The following MAMDC2 variants were observed in gnomAD, a reference collection of about 807,000 sequenced individuals.
The protein encoded by MAMDC2 is MAM domain-containing protein 2.
Under a neutral mutation model 89.8 loss-of-function variants are expected in MAMDC2, and 57 were observed. The ratio of observed to expected loss-of-function variants is 0.63; its 90% CI spans 0.51 to 0.79. MAMDC2 has a LOEUF of 0.79. MAMDC2 is among the 30% of genes least tolerant of loss of function. MAMDC2 has a pLI of 0.00. For synonymous variants in MAMDC2, 313 were observed against 293.4 expected (o/e 1.07, Z -0.68); for missense variants, 800 against 820.6 (o/e 0.97, Z 0.31).
Position 70,113,532 on chromosome 9 carries a change from C to T in MAMDC2, c.643+400C>T, listed in dbSNP as rs144539505. ...GATAGATCAAAGGATGGGAATGGGT[C>T]CTAAGAACTTCCCAAGTGACAGTGA... On this transcript the variant is annotated intron_variant, in intron 5 of 13. Transcript: ENST00000377182. Among the ~76,000 whole-genome samples the T allele has an allele frequency of 5.3e-3, 805 of 152,248 alleles. 7 individuals are homozygous for T. The highest frequency in any genetic ancestry group is 0.018 in the African/African-American group (753 of 41,538).
At position 70,113,108 on chromosome 9, in the gene MAMDC2, G is replaced by A; in HGVS notation, c.619G>A (p.Asp207Asn). 6.2e-7 allele frequency: 1 copy of A among 1,614,070 alleles called. No homozygotes were observed. The part of the protein sequence containing the change: ...IRNVHSILPQ[D>N]HTFKSELGHY... ...GAATGTCCACTCCATTCTCCCACAG[G>A]ATCACACCTTCAAGAGTGAACTGGG... The change falls in exon 5 of 14, where the codon GAT (aspartate) becomes AAT (asparagine). Residue 207 changes from aspartate (D) to asparagine (N), a missense_variant. Coordinates refer to ENST00000377182, the MANE Select transcript of MAMDC2 (RefSeq NM_153267.5).
rs763792635 is a variant in MAMDC2, at chr9:70,044,645, T to A, written c.96T>A (p.Thr32=). ...PAGSCAFEES[T]CGFDSVLASL... ...GGTCCTGTGCCTTTGAAGAGAGCACTTGCGGCTTTGACTCCGTGTTGGCCT... is the reference window on the plus strand; with the variant it reads ...GGTCCTGTGCCTTTGAAGAGAGCACATGCGGCTTTGACTCCGTGTTGGCCT... The change falls in exon 2 of 14, where the codon ACT becomes ACA. Residue 32 remains threonine (T), a synonymous_variant. Coordinates refer to ENST00000377182, the MANE Select transcript of MAMDC2 (RefSeq NM_153267.5). 1.7e-5 allele frequency: 27 copies of A among 1,551,620 alleles called. No homozygotes were observed. The East Asian group carries it at 6.4e-4, about 37-fold the overall frequency.
chr9:70,138,819 C>T (rs1237762286), intron 7 of MAMDC2, among the ~76,000 whole-genome samples: 1 of 152,108 alleles, frequency 6.6e-6, no homozygotes, highest in Non-Finnish European at 1.5e-5. Flanking sequence ...CATGACAGAA[C>T]TGTGACTCTT....
intron 11 of MAMDC2, among the ~76,000 whole-genome samples, chr9:70,214,894 G>GT (rs1458136123): frequency 6.6e-6 from 1 of 152,220 alleles, no homozygotes; most frequent in Admixed American, 6.5e-5. Context: ...CTGTCAGGAA[G>GT]TTGAGTTTTG....
At chr9:70,208,988 A>G (rs1409410303) in intron 11 of MAMDC2, among the ~76,000 whole-genome samples, 1 of 152,144 alleles carries the variant, frequency 6.6e-6, no homozygotes, top group Non-Finnish European at 1.5e-5. Flanking sequence ...AGCCAACTTG[A>G]TCATGGTGGA....
intron 7 of MAMDC2, among the ~76,000 whole-genome samples, chr9:70,137,384 A>G (rs1430757749): frequency 6.6e-6 from 1 of 152,196 alleles, no homozygotes; most frequent in Non-Finnish European, 1.5e-5. Context: ...CAGCATAACT[A>G]TAGGATAATT....
At chr9:70,063,931 C>A (rs1280341379) in intron 2 of MAMDC2, among the ~76,000 whole-genome samples, 1 of 151,956 alleles carries the variant, frequency 6.6e-6, no homozygotes, top group Non-Finnish European at 1.5e-5. Context: ...ATGTGCCACA[C>A]CACTGATTAA....
At chr9:70,096,986 C>T (rs1358326561) in intron 2 of MAMDC2, among the ~76,000 whole-genome samples, 2 of 152,156 alleles carry the variant, frequency 1.3e-5, no homozygotes, top group African/African-American at 4.8e-5. Context: ...GCCAAACACC[C>T]CAGATGTGGG....
At chr9:70,168,878 T>C in intron 10 of MAMDC2, 83 bp downstream of exon 10, 1 of 1,140,072 alleles carries the variant, frequency 8.8e-7, no homozygotes, top group Non-Finnish European at 1.3e-6. Context: ...ATACATTTCA[T>C]CTGTGCTAGT....
intron 11 of MAMDC2, among the ~76,000 whole-genome samples, chr9:70,184,624 T>TA (rs2032711667): frequency 2.0e-5 from 3 of 152,050 alleles, no homozygotes; most frequent in African/African-American, 7.2e-5. Flanking sequence ...CTTATTTCAG[T>TA]AAGTTGATCC....
intron 11 of MAMDC2, among the ~76,000 whole-genome samples, chr9:70,199,792 T>C (rs994725633): frequency 8.2e-5 from 12 of 147,220 alleles, no homozygotes; most frequent in African/African-American, 2.8e-4. Context: ...TGCATTTCTC[T>C]GAGGGCCAGT....
intron 11 of MAMDC2, among the ~76,000 whole-genome samples, chr9:70,198,181 T>TAC (rs3071637): frequency 5.5e-5 from 8 of 145,054 alleles, no homozygotes; most frequent in African/African-American, 1.8e-4. Context: ...TATATATATA[T>TAC]ACACACACAC....
intron 2 of MAMDC2, among the ~76,000 whole-genome samples, chr9:70,078,812 A>C (rs959690971): frequency 8.5e-5 from 13 of 152,162 alleles, no homozygotes; most frequent in African/African-American, 3.1e-4. Context: ...GTTAATTAAG[A>C]AACAATGGGT....
rs138918715 is a variant in MAMDC2, at chr9:70,099,188, G to C, written c.149-9023G>C. 3.6e-3 allele frequency among the ~76,000 whole-genome samples: 545 copies of C among 152,058 alleles called. 1 individual carries two copies. The highest frequency in any genetic ancestry group is 0.013 in the African/African-American group (520 of 41,480). The stretch of plus-strand genomic sequence containing the variant: ...AATCAGTAGATTTATAAATCATTGT[G>C]AATCTGATTAATTGAGAAAAAAACT... On this transcript the variant is annotated intron_variant, in intron 2 of 13. Coordinates refer to ENST00000377182, the MANE Select transcript of MAMDC2 (RefSeq NM_153267.5).
rs1299443698 is a variant in MAMDC2, at chr9:70,145,171, G to A, written c.1404+1352G>A. 2.6e-5 allele frequency among the ~76,000 whole-genome samples: 4 copies of A among 152,114 alleles called. No individual in the cohort carries two copies. In the South Asian group the frequency reaches 6.2e-4, roughly 24 times the overall value. On this transcript the variant is annotated intron_variant, in intron 9 of 13. Transcript: ENST00000377182. ...AAACGGCTTCTTATTATTTGTATGC[G>A]AATTAAGTAGATAGTGTTGTAAGTA... is the stretch of plus-strand genomic sequence containing the variant.
rs2033647378 is a variant in MAMDC2 at position 70,226,900 on chromosome 9, T to C, written c.*868T>C. ...TTATTTACTTGTTTAGAAAATTGTA[T>C]ATATATGTTTGTGTATCCTAACAGC... On this transcript the variant is annotated 3_prime_UTR_variant, in exon 14 of 14. Transcript: ENST00000377182. 1 of 152,116 alleles carries C rather than the reference T, an allele frequency of 6.6e-6. No individual in the cohort carries two copies. The highest frequency in any genetic ancestry group is 1.5e-5 in the Non-Finnish European group (1 of 67,952). 9.4% of individuals were successfully genotyped at this position (152,116 alleles called of 1,614,324 possible).
intron 2 of MAMDC2, among the ~76,000 whole-genome samples, chr9:70,053,945 A>G (rs1297833998): frequency 6.6e-6 from 1 of 152,152 alleles, no homozygotes; most frequent in Non-Finnish European, 1.5e-5. Flanking sequence ...AAAGGGGATT[A>G]AGTTGGTAGG....
intron 11 of MAMDC2, among the ~76,000 whole-genome samples, chr9:70,187,718 A>T (rs1444815403): frequency 6.6e-6 from 1 of 152,182 alleles, no homozygotes; most frequent in Non-Finnish European, 1.5e-5. Context: ...ATCAGATCAT[A>T]CAATATGTGG....
chr9:70,217,359 C>A, intron 11 of MAMDC2: 3 of 1,352,634 alleles, frequency 2.2e-6, no homozygotes, highest in Non-Finnish European at 3.2e-6. Context: ...CTGTCCTCCA[C>A]AGAAGGAAGC....
Sources: allele counts gnomAD v4.1 joint callset (sites outside exome capture counted in the v4.1 genomes callset), GRCh38; gene constraint gnomAD v4.1.1; transcripts MANE v1.5; gene names NCBI Gene and HGNC (gene_info 2026-07-23, HGNC 2026-07-21).